Variants in TRIP12 observed in about 807,000 individuals in gnomAD.
TRIP12 encodes thyroid hormone receptor interactor 12.
TRIP12 carries 25 observed loss-of-function variants against 244.2 expected under a neutral mutation model. The observed-to-expected ratio is 0.10, with a 90% CI of 0.07 to 0.14. The LOEUF (loss-of-function observed/expected upper bound fraction) is 0.14. Among genes scored for constraint, TRIP12 ranks in the 10% least tolerant of loss-of-function variants. The probability of loss-of-function intolerance (pLI) is 1.00; values close to 1 mark genes in which losing one functional copy is unlikely to be tolerated. For missense variants in TRIP12, 1,677 were observed against 2,486.4 expected (o/e 0.67, Z 6.92); for synonymous variants, 905 against 873.1 (o/e 1.04, Z -0.64).
chr2:229,850,025 A>C (rs557576065), intron 4 of TRIP12, among the ~76,000 whole-genome samples: 12 of 152,050 alleles, frequency 7.9e-5, no homozygotes, highest in Non-Finnish European at 1.5e-4. Context: ...TTTCTGGATT[A>C]CTTTTAACAA....
At chr2:229,845,533 G>A (rs1350267871) in intron 4 of TRIP12, among the ~76,000 whole-genome samples, 1 of 151,566 alleles carries the variant, frequency 6.6e-6, no homozygotes, top group Non-Finnish European at 1.5e-5. Flanking sequence ...GACTTTGAGG[G>A]GGAAAAAAAA....
chr2:229,766,214 C>T lies in TRIP12; in HGVS notation c.*1340G>A, dbSNP rs934799485. The T allele has an allele frequency of 6.6e-6, 1 of 152,032 alleles. No homozygotes were observed. The highest frequency in any genetic ancestry group is 2.4e-5 in the African/African-American group (1 of 41,378). 9.4% of individuals were successfully genotyped at this position (152,032 alleles called of 1,614,324 possible). A position where few individuals can be genotyped will look rare whatever the true frequency, so the allele number is the denominator to read the frequency against. On this transcript the variant is annotated 3_prime_UTR_variant, in exon 42 of 42. Coordinates refer to ENST00000675903, the MANE Select transcript of TRIP12 (RefSeq NM_001348323.3). ...GTTTTGGACCTTAGGAAGGAATCTC[C>T]TCCCATTTTCTCTTCACATTTTAGT...
At chr2:229,814,544 A>T (rs2048032816) in intron 11 of TRIP12, 1 of 406,936 alleles carries the variant, frequency 2.5e-6, no homozygotes, top group African/African-American at 2.0e-5. Context: ...AATATGTTTT[A>T]CATAATAAAC....
chr2:229,832,343 C>T (rs1227604373), intron 6 of TRIP12, among the ~76,000 whole-genome samples: 1 of 152,180 alleles, frequency 6.6e-6, no homozygotes, highest in East Asian at 1.9e-4. Context: ...GTACTTGCAA[C>T]AGAGACTACA....
At position 229,788,916 on chromosome 2, in the gene TRIP12, G is replaced by A; in HGVS notation, c.4720C>T (p.Pro1574Ser). 6.2e-7 allele frequency: 1 copy of A among 1,611,822 alleles called. No individual in the cohort carries two copies. The highest frequency in any genetic ancestry group is 8.5e-7 in the Non-Finnish European group (1 of 1,179,060). ...TTACTGTTAATAAATTCACTAGTTG[G>A]AATAATTTCCTTGCACATTGCATTC... ...YDNAMCKEIIPTSEFINSKLT... is the reference protein window; with the variant it reads ...YDNAMCKEIISTSEFINSKLT... The change falls in exon 32 of 42, where the codon CCA becomes TCA. Residue 1574 changes from proline (P) to serine (S), a missense_variant. Pro to Ser is a moderately conservative substitution (Grantham distance 74, BLOSUM62 -1). Coordinates refer to ENST00000675903, the MANE Select transcript of TRIP12 (RefSeq NM_001348323.3).
intron 15 of TRIP12, among the ~76,000 whole-genome samples, chr2:229,808,891 G>C (rs74001433): frequency 0.058 from 8,836 of 152,220 alleles, 863 homozygotes; most frequent in African/African-American, 0.2. Context: ...ATTCTCTACT[G>C]TAAGTTTCCA....
In TRIP12 at chr2:229,804,237, T is replaced by TAAAAA. The variant is rs761008467; in HGVS notation, c.2651-15_2651-11dup. On this transcript the variant is annotated splice_polypyrimidine_tract_variant and intron_variant, in intron 18 of 41. Coordinates refer to ENST00000675903, the MANE Select transcript of TRIP12 (RefSeq NM_001348323.3). ...GACTCTGAATATCCACCTATTACAT[T>TAAAAA]AAAAAAAAATATATGTGCAATCCTG... The TAAAAA allele has an allele frequency of 2.8e-6, 4 of 1,435,694 alleles. No homozygotes were observed. In the South Asian group the frequency reaches 5.1e-5, roughly 18 times the overall value. 88.9% of individuals were successfully genotyped at this position (1,435,694 alleles called of 1,614,324 possible).
chr2:229,817,489 G>C (rs2048792475), intron 9 of TRIP12, among the ~76,000 whole-genome samples: 1 of 152,130 alleles, frequency 6.6e-6, no homozygotes, highest in Admixed American at 6.5e-5. Flanking sequence ...ATATTTAAAA[G>C]TTTAAGGAAT....
At position 229,778,860 on chromosome 2, in the gene TRIP12, T is replaced by TACAGA; in HGVS notation, c.5209+11_5209+15dup. ...TCTGAGTAACACAAACCAACTAACT[T>TACAGA]ACAGATAGGCATTACCTTTTGGATT... On this transcript the variant is annotated intron_variant, in intron 35 of 41. Transcript: ENST00000675903. This position sits in a 1 kb window ranked among gnomAD's most constrained non-coding sequence, Gnocchi z 4.1. 1 of 1,609,166 alleles carries TACAGA rather than the reference T, an allele frequency of 6.2e-7. No homozygotes were observed. The highest frequency in any genetic ancestry group is 8.5e-7 in the Non-Finnish European group (1 of 1,175,716).
chr2:229,847,788 A>G (rs2057873916), intron 4 of TRIP12, among the ~76,000 whole-genome samples: 1 of 152,176 alleles, frequency 6.6e-6, no homozygotes, highest in East Asian at 1.9e-4. Flanking sequence ...CCTCTCCCAC[A>G]CTTGTACAGC....
intron 4 of TRIP12, among the ~76,000 whole-genome samples, chr2:229,851,035 C>G (rs749977279): frequency 1.3e-5 from 2 of 152,202 alleles, no homozygotes; most frequent in African/African-American, 2.4e-5. Context: ...CAAGCCTCCC[C>G]GACGAGCGCC....
rs760652328 is a variant in TRIP12 at position 229,774,270 on chromosome 2, C to T, written c.5530-9G>A. Reference sequence around the variant, plus strand: ...TGTAGACTCTCTTTGGTCTAAAAAACACAAATGGGGGAGAAATGGTGTCAA... The same window carrying T: ...TGTAGACTCTCTTTGGTCTAAAAAATACAAATGGGGGAGAAATGGTGTCAA... On this transcript the variant is annotated splice_polypyrimidine_tract_variant and intron_variant, in intron 37 of 41. Coordinates refer to ENST00000675903, the MANE Select transcript of TRIP12 (RefSeq NM_001348323.3). 6.3e-6 allele frequency: 10 copies of T among 1,596,886 alleles called. No individual in the cohort carries two copies. Among genetic ancestry groups the T allele is most frequent in the Non-Finnish European group, 8.5e-6 (10 of 1,173,840 alleles).
intron 4 of TRIP12, among the ~76,000 whole-genome samples, chr2:229,844,853 C>A (rs1309476701): frequency 1.3e-5 from 2 of 152,104 alleles, no homozygotes; most frequent in Non-Finnish European, 2.9e-5. Flanking sequence ...TGTACAGAAA[C>A]CCTTTTTCTG....
intron 2 of TRIP12, among the ~76,000 whole-genome samples, chr2:229,871,706 A>T (rs2062632410): frequency 6.6e-6 from 1 of 152,234 alleles, no homozygotes; most frequent in African/African-American, 2.4e-5. Context: ...ATTCCTTTAC[A>T]GCAATGCTGA....
chr2:229,843,191 T>C (rs1386535145), intron 4 of TRIP12, among the ~76,000 whole-genome samples: 2 of 150,736 alleles, frequency 1.3e-5, no homozygotes, highest in Admixed American at 1.3e-4. Context: ...TCAACCAGAA[T>C]GTCACTGGTT....
chr2:229,798,615 T>C (rs928225061), intron 23 of TRIP12, among the ~76,000 whole-genome samples: 1 of 152,156 alleles, frequency 6.6e-6, no homozygotes, highest in African/African-American at 2.4e-5. Flanking sequence ...CCCCAAGGAA[T>C]ACAATGTGGT....
chr2:229,802,723 G>A (rs3796071), intron 20 of TRIP12, among the ~76,000 whole-genome samples: 2 of 151,950 alleles, frequency 1.3e-5, no homozygotes, highest in East Asian at 3.9e-4. Flanking sequence ...AACTTAATAG[G>A]GTCACAAAGT....
chr2:229,806,034 G>T, intron 17 of TRIP12, 151 bp from the exon 18 acceptor site: 1 of 571,742 alleles, frequency 1.7e-6, no homozygotes, highest in Admixed American at 3.2e-5. Context: ...TAATAGTGTA[G>T]ATATGACAAA....
chr2:229,879,913 C>G, intron 2 of TRIP12, 69 bp downstream of exon 2: 3 of 1,562,522 alleles, frequency 1.9e-6, no homozygotes, highest in Non-Finnish European at 2.6e-6. Context: ...TTTTGGACCT[C>G]GCAAGGAGGC....
Sources: gnomAD v4.1 joint callset for allele counts (sites outside exome capture counted in the v4.1 genomes callset) on GRCh38, gnomAD v4.1.1 for gene constraint, Gnocchi (gnomAD v3.1) non-coding constraint, MANE v1.5 for transcripts, NCBI Gene and HGNC (gene_info 2026-07-23, HGNC 2026-07-21) for gene names.